FNDC3B: variants seen among roughly 807,000 people sequenced by gnomAD.
FNDC3B encodes fibronectin type III domain-containing protein 3B.
A neutral mutation model predicts 151.5 loss-of-function variants in FNDC3B; 12 were observed. The ratio of observed to expected loss-of-function variants is 0.08; its 90% CI spans 0.05 to 0.13. The LOEUF is 0.13. Ranked by LOEUF, FNDC3B falls within the 10% of genes least tolerant of loss-of-function variation. The pLI, the probability that FNDC3B is intolerant of heterozygous loss-of-function variation, is 1.00. For missense variants in FNDC3B, 1,214 were observed against 1,505.3 expected (o/e 0.81, Z 3.20); for synonymous variants, 528 against 549.0 (o/e 0.96, Z 0.54).
chr3:172,228,370 A>C (rs543197415), intron 4 of FNDC3B, among the ~76,000 whole-genome samples: 45 of 152,206 alleles, frequency 3.0e-4, no homozygotes, highest in Non-Finnish European at 3.8e-4. Context: ...TACAGTTCTC[A>C]CCATTGTGAC....
chr3:172,188,151 A>G (rs200103070), intron 3 of FNDC3B, among the ~76,000 whole-genome samples: 2 of 151,432 alleles, frequency 1.3e-5, no homozygotes, highest in Non-Finnish European at 2.9e-5. Flanking sequence ...ATGTGCCACC[A>G]CGCCCGGCTA....
At chr3:172,229,565 T>C (rs544930870) in intron 4 of FNDC3B, among the ~76,000 whole-genome samples, 1 of 152,334 alleles carries the variant, frequency 6.6e-6, no homozygotes, top group East Asian at 1.9e-4. Context: ...TTCTGTTTTT[T>C]CAGCATCTGT....
intron 11 of FNDC3B, among the ~76,000 whole-genome samples, chr3:172,311,904 G>A (rs1006586450): frequency 1.3e-5 from 2 of 150,352 alleles, no homozygotes; most frequent in African/African-American, 2.4e-5. Flanking sequence ...AAAAGCAACT[G>A]TACTTTTTGT....
At chr3:172,372,996 C>A (rs1734953693) in intron 23 of FNDC3B, among the ~76,000 whole-genome samples, 1 of 152,120 alleles carries the variant, frequency 6.6e-6, no homozygotes, top group African/African-American at 2.4e-5. Flanking sequence ...GGGTCCAAGT[C>A]CCTGTGCTCC....
At chr3:172,217,449 C>A (rs1726045854) in intron 3 of FNDC3B, among the ~76,000 whole-genome samples, 3 of 152,186 alleles carry the variant, frequency 2.0e-5, no homozygotes, top group Admixed American at 2.0e-4. Flanking sequence ...TTGTTATTGT[C>A]CAGCTCCAGA....
intron 1 of FNDC3B, among the ~76,000 whole-genome samples, chr3:172,042,393 G>A (rs1157961815): frequency 6.6e-6 from 1 of 152,164 alleles, no homozygotes; most frequent in East Asian, 1.9e-4. Flanking sequence ...GGTAGCATTT[G>A]ATGGATAAGT....
chr3:172,223,002 C>G (rs780274584), intron 3 of FNDC3B, among the ~76,000 whole-genome samples: 1 of 152,146 alleles, frequency 6.6e-6, no homozygotes, highest in Non-Finnish European at 1.5e-5. Context: ...CATTAATTAC[C>G]ATTGATTGAA....
At chr3:172,303,031 T>C (rs1450147016) in intron 9 of FNDC3B, 1 of 152,008 alleles carries the variant, frequency 6.6e-6, no homozygotes, top group Admixed American at 6.6e-5. Context: ...TATATAAATA[T>C]GTAATTTTAC....
chr3:172,189,810 A>T (rs1035091235), intron 3 of FNDC3B, among the ~76,000 whole-genome samples: 5 of 32,752 alleles, frequency 1.5e-4, no homozygotes, highest in Non-Finnish European at 3.5e-4. Flanking sequence ...AAAAAAAAAA[A>T]AAAAAAAAAA....
At chr3:172,359,000 T>C (rs1212475334) in intron 22 of FNDC3B, among the ~76,000 whole-genome samples, 1 of 118,134 alleles carries the variant, frequency 8.5e-6, no homozygotes, top group Admixed American at 9.2e-5. Flanking sequence ...GTGGTGGTGG[T>C]GGTGGTGGTG....
At chr3:172,102,466 A>T (rs1719421560) in intron 1 of FNDC3B, among the ~76,000 whole-genome samples, 1 of 152,168 alleles carries the variant, frequency 6.6e-6, no homozygotes, top group African/African-American at 2.4e-5. Flanking sequence ...ACAAATGTGA[A>T]TTTGATTCGT....
intron 9 of FNDC3B, among the ~76,000 whole-genome samples, chr3:172,304,797 C>A (rs749821489): frequency 6.6e-6 from 1 of 151,380 alleles, no homozygotes; most frequent in Non-Finnish European, 1.5e-5. Flanking sequence ...CTCAGGGGGC[C>A]GAGGCAGGAG....
intron 3 of FNDC3B, among the ~76,000 whole-genome samples, chr3:172,160,614 T>C (rs1050099099): frequency 6.6e-6 from 1 of 152,234 alleles, no homozygotes; most frequent in Admixed American, 6.5e-5. Flanking sequence ...AAATGTCAGT[T>C]TGGGCTAGGG....
intron 25 of FNDC3B, among the ~76,000 whole-genome samples, chr3:172,393,354 T>C (rs960912330): frequency 7.2e-5 from 11 of 152,100 alleles, no homozygotes; most frequent in East Asian, 1.9e-4. Context: ...GCACCCAACA[T>C]TGAAACACCT....
intron 16 of FNDC3B, among the ~76,000 whole-genome samples, chr3:172,340,423 T>C (rs1481355468): frequency 7.2e-5 from 11 of 152,004 alleles, no homozygotes; most frequent in Admixed American, 7.2e-4. Context: ...GTAGCTGTGA[T>C]TACAGGTGCC....
At chr3:172,134,437 T>C (rs919352503) in intron 3 of FNDC3B, 2 of 514,372 alleles carry the variant, frequency 3.9e-6, no homozygotes, top group African/African-American at 1.9e-5. Context: ...TGGCATGCAA[T>C]TGAGATCAGT....
At chr3:172,305,268 G>A (rs1021289210) in intron 9 of FNDC3B, among the ~76,000 whole-genome samples, 1 of 152,198 alleles carries the variant, frequency 6.6e-6, no homozygotes, top group African/African-American at 2.4e-5. Flanking sequence ...TAAGAATGAA[G>A]ATTTTGTTTC....
chr3:172,198,596 A>G (rs1307899750), intron 3 of FNDC3B, among the ~76,000 whole-genome samples: 1 of 152,084 alleles, frequency 6.6e-6, no homozygotes, highest in Non-Finnish European at 1.5e-5. Flanking sequence ...CTCACACCCT[A>G]GGCTCTGATA....
intron 6 of FNDC3B, among the ~76,000 whole-genome samples, chr3:172,258,669 C>A (rs1211363172): frequency 2.6e-5 from 4 of 152,118 alleles, no homozygotes; most frequent in African/African-American, 4.8e-5. Context: ...ATAGCAGCAT[C>A]CACCTGCGCA....
Sources: gnomAD v4.1 joint callset for allele counts (sites outside exome capture counted in the v4.1 genomes callset) on GRCh38, gnomAD v4.1.1 for gene constraint, MANE v1.5 for transcripts, NCBI Gene and HGNC (gene_info 2026-07-23, HGNC 2026-07-21) for gene names.